The following SLC2A13 variants were observed in gnomAD, a reference collection of about 807,000 sequenced individuals.
SLC2A13 encodes solute carrier family 2 member 13, also known as proton myo-inositol cotransporter.
SLC2A13 carries 32 observed loss-of-function variants against 64.4 expected under a neutral mutation model. That is an observed-to-expected ratio of 0.50 (90% CI 0.37 to 0.67). SLC2A13 has a LOEUF of 0.67. Among genes scored for constraint, SLC2A13 ranks in the 30% least tolerant of loss-of-function variants. The pLI is 0.00. For missense variants in SLC2A13, 743 were observed against 829.2 expected, an observed-to-expected ratio of 0.90 and a Z score of 1.28; for synonymous variants, 338 against 327.1, an observed-to-expected ratio of 1.03 and a Z score of -0.36.
rs73276589 is a variant in SLC2A13 at position 39,898,621 on chromosome 12, C to T, written c.1035-26660G>A. On this transcript the variant is annotated intron_variant, in intron 4 of 9. Transcript: ENST00000280871. ...TGTGTCTTCAAATTGAAGAATCAGACTCAAGTTAGCCTGATACTCACACTA... is the reference window on the plus strand; with the variant it reads ...TGTGTCTTCAAATTGAAGAATCAGATTCAAGTTAGCCTGATACTCACACTA... Among the ~76,000 whole-genome samples, 264 of 152,238 alleles carry T rather than the reference C, an allele frequency of 1.7e-3. 1 individual carries two copies. The highest frequency in any genetic ancestry group is 5.5e-3 in the African/African-American group (229 of 41,554).
At chr12:39,760,705 C>A (rs1257447511) in intron 9 of SLC2A13, among the ~76,000 whole-genome samples, 1 of 151,948 alleles carries the variant, frequency 6.6e-6, no homozygotes, top group Non-Finnish European at 1.5e-5. Flanking sequence ...TTTCCCTCCA[C>A]TAGAATGTAA....
intron 7 of SLC2A13, chr12:39,829,562 T>G (rs1942797514): frequency 6.3e-6 from 1 of 159,128 alleles, no homozygotes; most frequent in African/African-American, 2.4e-5. Context: ...TACAGGCATG[T>G]GCCACCACTC....
intron 4 of SLC2A13, among the ~76,000 whole-genome samples, chr12:39,905,822 G>GAA (rs10682990): frequency 0.098 from 14,275 of 145,360 alleles, 828 homozygotes; most frequent in Middle Eastern, 0.12. Context: ...AAAATGCCCA[G>GAA]AAAAAAAAAA....
chr12:40,068,154 C>T, intron 1 of SLC2A13: 1 of 216,748 alleles, frequency 4.6e-6, no homozygotes, highest in South Asian at 5.3e-5. Flanking sequence ...AAGTGATCCT[C>T]CCACCTCAGC....
Position 39,759,341 on chromosome 12 carries a change from G to T in SLC2A13, c.*685C>A, listed in dbSNP as rs1373006286. The T allele has an allele frequency of 1.3e-5, 2 of 152,110 alleles. No individual in the cohort carries two copies. Among genetic ancestry groups the T allele is most frequent in the African/African-American group, 2.4e-5 (1 of 41,396 alleles). 9.4% of individuals were successfully genotyped at this position (152,110 alleles called of 1,614,324 possible). The stretch of plus-strand genomic sequence containing the variant: ...TGCCTTATCACTGATGCAAAAAAAA[G>T]AAGTATGAAAACAACCCGACAGATT... On this transcript the variant is annotated 3_prime_UTR_variant, in exon 10 of 10. Transcript: ENST00000280871.
intron 3 of SLC2A13, among the ~76,000 whole-genome samples, chr12:39,967,710 T>C (rs1173663290): frequency 6.6e-6 from 1 of 152,206 alleles, no homozygotes; most frequent in Non-Finnish European, 1.5e-5. Context: ...ACTTAGCCTA[T>C]TGGTATAAAG....
chr12:39,958,339 C>G (rs1466568164), intron 3 of SLC2A13, among the ~76,000 whole-genome samples: 1 of 152,152 alleles, frequency 6.6e-6, no homozygotes, highest in Non-Finnish European at 1.5e-5. Context: ...TCACACAGAC[C>G]AGTGTTAACA....
intron 3 of SLC2A13, among the ~76,000 whole-genome samples, chr12:40,016,755 A>G (rs527670775): frequency 2.0e-5 from 3 of 152,214 alleles, no homozygotes; most frequent in Non-Finnish European, 4.4e-5. Flanking sequence ...ATCTCCTTCA[A>G]AATTAATTCT....
chr12:39,763,242 A>G (rs1940229562), intron 9 of SLC2A13, among the ~76,000 whole-genome samples: 2 of 152,106 alleles, frequency 1.3e-5, no homozygotes, highest in African/African-American at 4.8e-5. Context: ...CCTTTCCAAG[A>G]AAATAAATAT....
intron 4 of SLC2A13, among the ~76,000 whole-genome samples, chr12:39,947,431 C>T (rs376509084): frequency 6.6e-6 from 1 of 152,082 alleles, no homozygotes; most frequent in Admixed American, 6.5e-5. Context: ...TCAAGTTCCC[C>T]AAAAAAGAAA....
chr12:40,062,126 C>A (rs796290677), intron 1 of SLC2A13, among the ~76,000 whole-genome samples: 52 of 151,918 alleles, frequency 3.4e-4, no homozygotes, highest in African/African-American at 1.2e-3. Context: ...AAAATTGAAC[C>A]CCTACTTCTT....
chr12:40,062,103 T>C (rs1948432889), intron 1 of SLC2A13, among the ~76,000 whole-genome samples: 1 of 151,938 alleles, frequency 6.6e-6, no homozygotes. Context: ...TGGGTATCCA[T>C]GTGTAAAAAA....
At chr12:39,971,291 C>G (rs2136129980) in intron 3 of SLC2A13, among the ~76,000 whole-genome samples, 1 of 152,196 alleles carries the variant, frequency 6.6e-6, no homozygotes, top group Non-Finnish European at 1.5e-5. Flanking sequence ...TGTTTATTCC[C>G]ATAGTTTAGC....
At chr12:39,973,204 T>A (rs1466024433) in intron 3 of SLC2A13, among the ~76,000 whole-genome samples, 1 of 152,164 alleles carries the variant, frequency 6.6e-6, no homozygotes. Context: ...TCCAACTACC[T>A]CTACTAAGCA....
At chr12:40,079,791 G>A (rs779555894) in intron 1 of SLC2A13, among the ~76,000 whole-genome samples, 2 of 152,190 alleles carry the variant, frequency 1.3e-5, no homozygotes, top group Non-Finnish European at 2.9e-5. Context: ...CCAGTGTTGG[G>A]TGCAAATATA....
chr12:39,792,652 C>G (rs562133139), intron 7 of SLC2A13, among the ~76,000 whole-genome samples: 2 of 152,242 alleles, frequency 1.3e-5, no homozygotes, highest in African/African-American at 4.8e-5. Context: ...CACACATACT[C>G]AAGTCCTGCA....
intron 4 of SLC2A13, among the ~76,000 whole-genome samples, chr12:39,930,795 C>T (rs1945813823): frequency 6.6e-6 from 1 of 152,152 alleles, no homozygotes; most frequent in Admixed American, 6.5e-5. Flanking sequence ...GACTTCAGAA[C>T]ATCATTTATT....
chr12:40,028,362 A>G lies in SLC2A13; in HGVS notation c.864T>C (p.Ile288=). The G allele has an allele frequency of 6.2e-7, 1 of 1,614,060 alleles. No individual in the cohort carries two copies. Among genetic ancestry groups the G allele is most frequent in the Non-Finnish European group, 8.5e-7 (1 of 1,179,994 alleles). Reference sequence around the variant, plus strand: ...TTTTGATGCTATCATATTCCTCATCAATGGTCTGGTTACCACGCATCTGAG... The same window carrying G: ...TTTTGATGCTATCATATTCCTCATCGATGGTCTGGTTACCACGCATCTGAG... ...ILSQMRGNQT[I]DEEYDSIKNN... The change falls in exon 3 of 10, where the codon ATT becomes ATC. Residue 288 remains isoleucine (I), a synonymous_variant. Transcript: ENST00000280871.
At chr12:39,949,070 T>C (rs1017279996) in intron 4 of SLC2A13, among the ~76,000 whole-genome samples, 3 of 152,136 alleles carry the variant, frequency 2.0e-5, no homozygotes, top group African/African-American at 7.2e-5. Flanking sequence ...AGATTAGTTG[T>C]TTTTTATGCA....
Sources: allele counts gnomAD v4.1 joint callset (sites outside exome capture counted in the v4.1 genomes callset), GRCh38; gene constraint gnomAD v4.1.1; transcripts MANE v1.5; gene names NCBI Gene and HGNC (gene_info 2026-07-23, HGNC 2026-07-21).